The following HYDIN variants were observed in gnomAD, a reference collection of about 807,000 sequenced individuals.
The protein encoded by HYDIN is axonemal central pair apparatus protein HYDIN.
In HYDIN, 132 loss-of-function variants were observed where a neutral mutation model predicts 403.9. The ratio of observed to expected loss-of-function variants is 0.33; its 90% CI spans 0.28 to 0.38. The LOEUF is 0.38. Ranked by LOEUF, HYDIN falls within the 10% of genes least tolerant of loss-of-function variation. HYDIN has a pLI of 1.00. For synonymous variants in HYDIN, 1,202 were observed against 1,891.7 expected (o/e 0.64, Z 9.46); for missense variants, 2,827 against 5,009.5 (o/e 0.56, Z 13.15).
intron 10 of HYDIN, among the ~76,000 whole-genome samples, chr16:71,103,782 A>G (rs1378502033): frequency 5.9e-5 from 9 of 152,010 alleles, no homozygotes; most frequent in Non-Finnish European, 2.9e-5. Flanking sequence ...TTTCTACAAA[A>G]AAACCATCTT....
chr16:70,807,416 AT>A lies in HYDIN; in HGVS notation c.*163del, dbSNP rs2035155880. Reference sequence around the variant, plus strand: ...TTATAATGTTTAATATGGAATAGATATTTCATATCTATATTTGGAAAACACA... The same window carrying A: ...TTATAATGTTTAATATGGAATAGATATTCATATCTATATTTGGAAAACACA... On this transcript the variant is annotated 3_prime_UTR_variant, in exon 86 of 86. Transcript: ENST00000393567. 4 of 700,602 alleles carry A rather than the reference AT, an allele frequency of 5.7e-6. No individual in the cohort carries two copies. In the Admixed American group the frequency reaches 1.2e-4, roughly 21 times the overall value. The allele number at this position is 700,602 out of a possible 1,614,324, so 43.4% of individuals were successfully genotyped here.
chr16:70,870,963 G>A (rs956314578), intron 65 of HYDIN, among the ~76,000 whole-genome samples: 2 of 152,026 alleles, frequency 1.3e-5, no homozygotes, highest in Non-Finnish European at 2.9e-5. Flanking sequence ...CTTGGGAAGT[G>A]GAGGTTGCAA....
At chr16:71,162,901 G>A (rs1420776143) in intron 5 of HYDIN, among the ~76,000 whole-genome samples, 171 bp from the exon 6 acceptor site, 1 of 140,908 alleles carries the variant, frequency 7.1e-6, no homozygotes, top group Non-Finnish European at 1.5e-5. Context: ...TCTTTTCTGA[G>A]AGAGAGAGAG....
intron 1 of HYDIN, among the ~76,000 whole-genome samples, chr16:71,228,739 A>T (rs2041150531): frequency 1.3e-5 from 2 of 152,230 alleles, no homozygotes; most frequent in Admixed American, 1.3e-4. Context: ...ATTGTGGAAG[A>T]CAGTGTGGCA....
chr16:71,070,152 C>T (rs545718466), intron 13 of HYDIN, among the ~76,000 whole-genome samples: 8 of 152,252 alleles, frequency 5.3e-5, no homozygotes, highest in Non-Finnish European at 1.2e-4. Flanking sequence ...GCTTTGTCAT[C>T]GTATCCAGCT....
At chr16:70,967,339 C>A (rs1388967522) in intron 36 of HYDIN, among the ~76,000 whole-genome samples, 2 of 151,994 alleles carry the variant, frequency 1.3e-5, no homozygotes, top group Non-Finnish European at 2.9e-5. Context: ...GAGACAGGGT[C>A]TCACTCTGTC....
intron 71 of HYDIN, among the ~76,000 whole-genome samples, chr16:70,858,996 C>T (rs184821114): frequency 4.6e-5 from 7 of 151,420 alleles, no homozygotes; most frequent in Admixed American, 6.6e-5. Context: ...TAAAATAGGG[C>T]TTCACATAGA....
At chr16:71,211,709 T>C (rs892981070) in intron 1 of HYDIN, among the ~76,000 whole-genome samples, 1 of 147,130 alleles carries the variant, frequency 6.8e-6, no homozygotes, top group African/African-American at 2.5e-5. Context: ...AGAATAAGAA[T>C]ACCTACAGAT....
chr16:71,177,809 G>C (rs1361518085), intron 4 of HYDIN, among the ~76,000 whole-genome samples: 1 of 152,104 alleles, frequency 6.6e-6, no homozygotes, highest in East Asian at 1.9e-4. Flanking sequence ...CTGAACTTCT[G>C]CATTACTTTC....
At chr16:70,833,093 AAG>A (rs750604852) in intron 79 of HYDIN, 26 bp from the exon 80 acceptor site, 41 of 1,588,660 alleles carry the variant, frequency 2.6e-5, no homozygotes, top group East Asian at 4.5e-5. Context: ...GAAGAAAAGA[AAG>A]AGAGTTTATG....
intron 84 of HYDIN, among the ~76,000 whole-genome samples, 194 bp downstream of exon 84, chr16:70,818,148 G>A (rs1268379938): frequency 1.3e-5 from 2 of 152,078 alleles, no homozygotes; most frequent in East Asian, 1.9e-4. Flanking sequence ...AATTCCAAAC[G>A]ATGTGCCCAA....
chr16:71,158,856 G>GT (rs1176370245), intron 6 of HYDIN, among the ~76,000 whole-genome samples: 1 of 145,184 alleles, frequency 6.9e-6, no homozygotes, highest in African/African-American at 2.6e-5. Flanking sequence ...TTATTTTTTT[G>GT]TTTTTTGTAT....
At chr16:71,217,343 G>C (rs1187389805) in intron 1 of HYDIN, among the ~76,000 whole-genome samples, 2 of 152,124 alleles carry the variant, frequency 1.3e-5, no homozygotes, top group Non-Finnish European at 2.9e-5. Context: ...CCTTTCTCCA[G>C]AATGAGGAGC....
intron 21 of HYDIN, 77 bp from the exon 22 acceptor site, chr16:71,020,394 A>C (rs549716008): frequency 7.3e-6 from 11 of 1,515,372 alleles, no homozygotes. Context: ...TCTCAGGTTC[A>C]TTGTTTAGAA....
At chr16:71,039,648 A>C (rs1458391116) in intron 18 of HYDIN, among the ~76,000 whole-genome samples, 2 of 152,192 alleles carry the variant, frequency 1.3e-5, no homozygotes, top group Non-Finnish European at 2.9e-5. Context: ...ACTTCAGAGA[A>C]GAAGCTGGCT....
At chr16:70,953,283 AG>A (rs1277773718) in intron 40 of HYDIN, among the ~76,000 whole-genome samples, 6 of 151,966 alleles carry the variant, frequency 3.9e-5, no homozygotes, top group Non-Finnish European at 7.4e-5. Context: ...GCATTCTTCC[AG>A]GTGCTGGGAC....
intron 1 of HYDIN, among the ~76,000 whole-genome samples, chr16:71,216,673 T>G (rs1398372990): frequency 1.3e-5 from 2 of 152,236 alleles, no homozygotes; most frequent in Non-Finnish European, 2.9e-5. Flanking sequence ...AGAGTTCATT[T>G]TGAAAATTAA....
At chr16:70,837,247 G>T (rs1251577380) in intron 77 of HYDIN, among the ~76,000 whole-genome samples, 1 of 151,996 alleles carries the variant, frequency 6.6e-6, no homozygotes, top group Non-Finnish European at 1.5e-5. Context: ...AATCAATGGG[G>T]TGTTAAGGAA....
chr16:71,173,756 A>C (rs1708800568), intron 5 of HYDIN, among the ~76,000 whole-genome samples: 1 of 152,228 alleles, frequency 6.6e-6, no homozygotes, highest in Admixed American at 6.5e-5. Flanking sequence ...AAATGAATTC[A>C]GCCACATAAT....
Sources: gnomAD v4.1 joint callset for allele counts (sites outside exome capture counted in the v4.1 genomes callset) on GRCh38, gnomAD v4.1.1 for gene constraint, MANE v1.5 for transcripts, NCBI Gene and HGNC (gene_info 2026-07-23, HGNC 2026-07-21) for gene names.